THEMIS: variants seen among roughly 807,000 people sequenced by gnomAD.
THEMIS encodes the protein protein THEMIS.
In THEMIS, 37 loss-of-function variants were observed where a neutral mutation model predicts 52.6. The observed-to-expected ratio is 0.70, with a 90% CI of 0.54 to 0.93. The LOEUF (loss-of-function observed/expected upper bound fraction) is 0.93, where lower values mean the gene tolerates loss of function less well. Ranked by LOEUF, THEMIS falls within the 40% of genes least tolerant of loss-of-function variation. The probability of loss-of-function intolerance (pLI) is 0.00; values close to 1 mark genes in which losing one functional copy is unlikely to be tolerated. For missense variants in THEMIS, 808 were observed against 763.1 expected (o/e 1.06, Z -0.69); for synonymous variants, 292 against 272.7 (o/e 1.07, Z -0.70).
intron 4 of THEMIS, among the ~76,000 whole-genome samples, chr6:127,798,826 T>TA (rs1562264188): frequency 3.3e-5 from 5 of 151,162 alleles, no homozygotes; most frequent in African/African-American, 7.3e-5. Flanking sequence ...CTGTCTCTAC[T>TA]AAAAAAATAC....
intron 4 of THEMIS, among the ~76,000 whole-genome samples, chr6:127,809,889 C>A (rs1451431639): frequency 6.6e-6 from 1 of 150,542 alleles, no homozygotes; most frequent in Non-Finnish European, 1.5e-5. Flanking sequence ...ATGTCTTCAA[C>A]TATTCCTCAA....
At chr6:127,881,042 A>G (rs1177060184) in intron 1 of THEMIS, among the ~76,000 whole-genome samples, 1 of 152,096 alleles carries the variant, frequency 6.6e-6, no homozygotes, top group Non-Finnish European at 1.5e-5. Context: ...GAACTTGACT[A>G]TTGCATCAAA....
At chr6:127,882,819 T>C (rs910874340) in intron 1 of THEMIS, among the ~76,000 whole-genome samples, 1 of 151,928 alleles carries the variant, frequency 6.6e-6, no homozygotes, top group African/African-American at 2.4e-5. Flanking sequence ...GATTTTCAAA[T>C]TTGCCCTGAT....
At chr6:127,782,152 C>A (rs1489314360) in intron 4 of THEMIS, among the ~76,000 whole-genome samples, 1 of 152,148 alleles carries the variant, frequency 6.6e-6, no homozygotes, top group African/African-American at 2.4e-5. Context: ...CCTCCCTGCA[C>A]CAAGTACAAG....
intron 1 of THEMIS, among the ~76,000 whole-genome samples, chr6:127,884,850 T>C (rs1780597155): frequency 1.3e-5 from 2 of 152,178 alleles, no homozygotes; most frequent in African/African-American, 4.8e-5. Context: ...TACTGACGCC[T>C]TCTCTCTGTG....
chr6:127,782,126 G>T (rs776804333), intron 4 of THEMIS, among the ~76,000 whole-genome samples: 9 of 152,120 alleles, frequency 5.9e-5, no homozygotes, highest in Non-Finnish European at 1.3e-4. Context: ...CTCAAGCCTT[G>T]GTAATGGTGG....
chr6:127,799,005 A>AG (rs1562264327), intron 4 of THEMIS, among the ~76,000 whole-genome samples: 1 of 151,548 alleles, frequency 6.6e-6, no homozygotes, highest in East Asian at 1.9e-4. Context: ...AAAAAAAAAA[A>AG]AAAGAAAGAA....
chr6:127,813,361 G>A lies in THEMIS; in HGVS notation c.1280C>T (p.Pro427Leu). ...TACAAAACCTCCTTCCATGTACAAA[G>A]GGAGCAGCGCAGCCTCATAGGACTT... is the stretch of plus-strand genomic sequence containing the variant. ...LKKSYEAALL[P>L]LYMEGGFVEV... The change falls in exon 4 of 6, where the codon CCT (proline) becomes CTT (leucine). Residue 427 changes from proline (P) to leucine (L), a missense_variant. Pro to Leu is a moderately conservative substitution (Grantham distance 98). Coordinates refer to ENST00000368248, the MANE Select transcript of THEMIS (RefSeq NM_001010923.3). 6.2e-7 allele frequency: 1 copy of A among 1,614,068 alleles called. No individual in the cohort carries two copies. The highest frequency in any genetic ancestry group is 1.1e-5 in the South Asian group (1 of 91,078).
At chr6:127,891,854 G>A (rs1214276428) in intron 1 of THEMIS, among the ~76,000 whole-genome samples, 1 of 152,042 alleles carries the variant, frequency 6.6e-6, no homozygotes, top group Non-Finnish European at 1.5e-5. Flanking sequence ...CTTCTCATAT[G>A]TTCTTCTCCC....
rs10484717 is a variant in THEMIS, at chr6:127,859,115, T to G, written c.92-3927A>C. 6.7e-3 allele frequency among the ~76,000 whole-genome samples: 1,026 copies of G among 152,200 alleles called. 41 individuals carry two copies. The East Asian group carries it at 0.11, about 16-fold the overall frequency. ...GTGTGACAGTCAGCAAATAGGAAAC[T>G]GCATTGGATGTTTCTCCCCTTTACT... On this transcript the variant is annotated intron_variant, in intron 1 of 5. Coordinates refer to ENST00000368248, the MANE Select transcript of THEMIS (RefSeq NM_001010923.3).
upstream of THEMIS, among the ~76,000 whole-genome samples, chr6:127,902,202 T>C (rs1048707915): frequency 5.9e-5 from 9 of 151,502 alleles, no homozygotes; most frequent in East Asian, 2.0e-4. Flanking sequence ...GGCACATGCC[T>C]GTAGTCCCAG....
At chr6:127,758,237 T>C (rs1775901197) in intron 4 of THEMIS, among the ~76,000 whole-genome samples, 1 of 150,734 alleles carries the variant, frequency 6.6e-6, no homozygotes, top group East Asian at 1.9e-4. Flanking sequence ...TTGATAGAGT[T>C]GGACTGTAAA....
intron 4 of THEMIS, among the ~76,000 whole-genome samples, chr6:127,731,800 C>T (rs777872906): frequency 1.7e-4 from 24 of 143,180 alleles, no homozygotes; most frequent in Non-Finnish European, 3.1e-4. Context: ...CAGGTTCAAG[C>T]GATTCTCCTG....
intron 1 of THEMIS, among the ~76,000 whole-genome samples, chr6:127,863,458 T>A (rs923651387): frequency 6.6e-6 from 1 of 152,188 alleles, no homozygotes; most frequent in African/African-American, 2.4e-5. Context: ...TCTGTGCTTA[T>A]CTGGGATGTA....
intron 1 of THEMIS, among the ~76,000 whole-genome samples, chr6:127,873,654 C>T (rs1449248177): frequency 6.6e-6 from 1 of 152,136 alleles, no homozygotes; most frequent in African/African-American, 2.4e-5. Context: ...AGGGCACTGG[C>T]CTTGTGCAGT....
rs139723697 is a variant in THEMIS, at chr6:127,713,844, G to T, written c.1895-3828C>A. 4.3e-3 allele frequency among the ~76,000 whole-genome samples: 660 copies of T among 151,888 alleles called. 6 individuals are homozygous for T. The highest frequency in any genetic ancestry group is 0.015 in the African/African-American group (636 of 41,492). On this transcript the variant is annotated intron_variant, in intron 5 of 5. Transcript: ENST00000368248. ...GGCCACTGGAGGATATTGAGGAGAG[G>T]AGTTACACAATCTGGCTTAAGATTA...
At chr6:127,845,649 T>G (rs944388607) in intron 2 of THEMIS, among the ~76,000 whole-genome samples, 3 of 151,938 alleles carry the variant, frequency 2.0e-5, no homozygotes, top group Admixed American at 2.0e-4. Flanking sequence ...CACACTTGCA[T>G]GGTTGTCTCT....
the THEMIS span, among the ~76,000 whole-genome samples, chr6:127,698,793 T>C: frequency 1.3e-5 from 2 of 151,862 alleles, no homozygotes; most frequent in African/African-American, 4.8e-5. Context: ...AAGTTATTAA[T>C]TTGGAAATGT....
intron 4 of THEMIS, among the ~76,000 whole-genome samples, chr6:127,782,572 C>T (rs1776783068): frequency 6.6e-6 from 1 of 152,224 alleles, no homozygotes; most frequent in African/African-American, 2.4e-5. Flanking sequence ...ACCCCTTGCA[C>T]TTCCCTGGTG....
Sources: gnomAD v4.1 joint callset for allele counts (sites outside exome capture counted in the v4.1 genomes callset) on GRCh38, gnomAD v4.1.1 for gene constraint, MANE v1.5 for transcripts, NCBI Gene and HGNC (gene_info 2026-07-23, HGNC 2026-07-21) for gene names.